The following TTC34 variants were observed in gnomAD, a reference collection of about 807,000 sequenced individuals.
The protein encoded by TTC34 is tetratricopeptide repeat domain 34.
Under a neutral mutation model 40.7 loss-of-function variants are expected in TTC34, and 44 were observed. That is an observed-to-expected ratio of 1.08 (90% confidence interval 0.85 to 1.39). TTC34 has a LOEUF of 1.39. TTC34 is among the 40% of genes most tolerant of loss of function. The pLI is 0.00. For synonymous variants in TTC34, 422 were observed against 398.6 expected, an observed-to-expected ratio of 1.06 and a Z score of -0.70; for missense variants, 884 against 838.0, an observed-to-expected ratio of 1.05 and a Z score of -0.68.
At chr1:2,784,046 AG>A (rs1056831490) in intron 5 of TTC34, among the ~76,000 whole-genome samples, 1 of 152,124 alleles carries the variant, frequency 6.6e-6, no homozygotes, top group Non-Finnish European at 1.5e-5. Flanking sequence ...AGGCGAGGGC[AG>A]GGGGATCAGG....
At position 2,675,467 on chromosome 1, in the gene TTC34, TAACAGCACCCACACTCCCAGGTGAGC is replaced by T. The variant is rs1557600052; in HGVS notation, c.2227-29930_2227-29905del. 5.2e-3 allele frequency among the ~76,000 whole-genome samples: 348 copies of T among 66,796 alleles called. 2 individuals carry two copies. Among genetic ancestry groups the T allele is most frequent in the Non-Finnish European group, 8.7e-3 (245 of 28,244 alleles). 43.8% of individuals were successfully genotyped at this position (66,796 alleles called of 152,430 possible). ...CCACAGGTGAGCATCTGACAGCATG[TAACAGCACCCACACTCCCAGGTGAGC>T]ATCTGACAGCCTGCAACAGCACCCT... On this transcript the variant is annotated intron_variant, in intron 6 of 8. Transcript: ENST00000401095.
At position 2,764,210 on chromosome 1, in the gene TTC34, C is replaced by T. The variant is rs1440014496; in HGVS notation, c.2226+19399G>A. On this transcript the variant is annotated intron_variant, in intron 6 of 8. Transcript: ENST00000401095. The stretch of plus-strand genomic sequence containing the variant: ...CAGGTGAGCATCTGACAGTCTGGAA[C>T]AGCATCCACACACCCAGGCGAGCAT... Among the ~76,000 whole-genome samples, 7 of 149,550 alleles carry T rather than the reference C, an allele frequency of 4.7e-5. 1 individual carries two copies. The highest frequency in any genetic ancestry group is 1.0e-4 in the Non-Finnish European group (7 of 67,534).
At chr1:2,788,318 TTGTA>T (rs1052897274) in intron 3 of TTC34, among the ~76,000 whole-genome samples, 7 of 151,788 alleles carry the variant, frequency 4.6e-5, no homozygotes, top group East Asian at 2.0e-4. Flanking sequence ...ATGTTGTGTG[TTGTA>T]TGTGTGTTAT....
chr1:2,660,386 C>CT (rs1639503532), intron 6 of TTC34, among the ~76,000 whole-genome samples: 1 of 104,212 alleles, frequency 9.6e-6, no homozygotes, highest in Non-Finnish European at 2.5e-5. Flanking sequence ...GAGCAGCACC[C>CT]ACAACCCCAA....
intron 5 of TTC34, 94 bp downstream of exon 5, chr1:2,785,725 A>G: frequency 7.4e-7 from 1 of 1,344,652 alleles, no homozygotes; most frequent in Non-Finnish European, 1.0e-6. Flanking sequence ...CCTGGGGAGC[A>G]TGCGTGTCCC....
At chr1:2,790,088 C>A in exon 3 of TTC34, 1 of 398,072 alleles carries the variant, frequency 2.5e-6, no homozygotes, top group Non-Finnish European at 4.4e-6. Context: ...CAGCAGCTCG[C>A]GGCCCGCATC....
chr1:2,695,312 AGACGCCCAGG>A (rs1640811550), intron 6 of TTC34, among the ~76,000 whole-genome samples: 18 of 85,048 alleles, frequency 2.1e-4, no homozygotes, highest in Non-Finnish European at 3.0e-4. Flanking sequence ...AACTGCACCC[AGACGCCCAGG>A]TGAGCATCCG....
intron 6 of TTC34, 146 bp downstream of exon 6, chr1:2,783,463 G>C: frequency 1.2e-6 from 1 of 816,852 alleles, no homozygotes; most frequent in Non-Finnish European, 1.7e-6. Context: ...CCGCTGTACA[G>C]GTGGGGATGG....
intron 6 of TTC34, among the ~76,000 whole-genome samples, chr1:2,748,825 C>T (rs1169073726): frequency 7.0e-3 from 27 of 3,832 alleles, no homozygotes; most frequent in Admixed American, 0.037. Flanking sequence ...CTGACAGCCT[C>T]GGTCGGCACC....
intron 6 of TTC34, among the ~76,000 whole-genome samples, chr1:2,761,001 C>A (rs1237373056): frequency 5.5e-5 from 4 of 73,342 alleles, no homozygotes; most frequent in African/African-American, 1.1e-4. Flanking sequence ...GCAGCGCTCA[C>A]ACCCAGAGGT....
chr1:2,768,524 G>A (rs1641873203), intron 6 of TTC34, among the ~76,000 whole-genome samples: 1 of 151,476 alleles, frequency 6.6e-6, no homozygotes, highest in Non-Finnish European at 1.5e-5. Context: ...TGACAGCCTG[G>A]AACAGCACCC....
intron 6 of TTC34, among the ~76,000 whole-genome samples, chr1:2,687,209 C>CA (rs1640402625): frequency 1.8e-5 from 1 of 56,260 alleles, no homozygotes; most frequent in African/African-American, 9.5e-5. Flanking sequence ...CCACACCTCC[C>CA]GGCGAGCATC....
At chr1:2,675,043 A>C (rs796189707) in intron 6 of TTC34, among the ~76,000 whole-genome samples, 23 of 106,518 alleles carry the variant, frequency 2.2e-4, no homozygotes, top group Non-Finnish European at 4.4e-4. Context: ...ACCCACAACC[A>C]CAGGTGAGCA....
chr1:2,789,895 C>G (rs542660713), exon 3 of TTC34: 446 of 402,556 alleles, frequency 1.1e-3, no homozygotes, highest in Admixed American at 3.1e-3. Context: ...GTGCGCGGTC[C>G]CCTGCACGGT....
intron 6 of TTC34, among the ~76,000 whole-genome samples, chr1:2,751,495 G>T (rs1641318045): frequency 1.9e-5 from 1 of 52,452 alleles, no homozygotes; most frequent in Admixed American, 2.5e-4. Flanking sequence ...ATGCCCAGGT[G>T]AGCCTCTGAC....
intron 6 of TTC34, among the ~76,000 whole-genome samples, chr1:2,779,265 C>T (rs1643436788): frequency 6.6e-6 from 1 of 152,114 alleles, no homozygotes; most frequent in Admixed American, 6.6e-5. Context: ...GACCCTACTT[C>T]CATTTATTTT....
chr1:2,782,510 C>T (rs1455420231), intron 6 of TTC34, among the ~76,000 whole-genome samples: 5 of 149,326 alleles, frequency 3.3e-5, no homozygotes, highest in Admixed American at 2.7e-4. Flanking sequence ...TAATCTTTTT[C>T]TCTCTCTCTT....
At position 2,688,530 on chromosome 1, in the gene TTC34, C is replaced by G. The variant is rs1237612502; in HGVS notation, c.2227-42967G>C. ...CTGACAGCCTGTAACAGTACCCACA[C>G]CCACAGGCGAGCACCTGAACCCACG... On this transcript the variant is annotated intron_variant, in intron 6 of 8. Transcript: ENST00000401095. Among the ~76,000 whole-genome samples the G allele has an allele frequency of 3.4e-5, 5 of 146,432 alleles. 1 individual carries two copies. The highest frequency in any genetic ancestry group is 1.1e-4 in the African/African-American group (4 of 36,574).
chr1:2,641,127 A>C, exon 9 of TTC34: 3 of 196,428 alleles, frequency 1.5e-5, no homozygotes, highest in Non-Finnish European at 2.5e-5. Context: ...AGGGCTGGGA[A>C]GGGGGAGGGC....
Sources: gnomAD v4.1 joint callset for allele counts (sites outside exome capture counted in the v4.1 genomes callset) on GRCh38, gnomAD v4.1.1 for gene constraint, MANE v1.5 for transcripts, NCBI Gene and HGNC (gene_info 2026-07-23, HGNC 2026-07-21) for gene names.